The following AVEN variants were observed in gnomAD, a reference collection of about 807,000 sequenced individuals.
The protein encoded by AVEN is cell death regulator Aven.
In AVEN, 41 loss-of-function variants were observed where a neutral mutation model predicts 38.1. That is an observed-to-expected ratio of 1.08 (90% confidence interval 0.84 to 1.40). The LOEUF (loss-of-function observed/expected upper bound fraction) is 1.40, where lower values mean the gene tolerates loss of function less well. Among genes scored for constraint, AVEN ranks in the 40% most tolerant of loss-of-function variants. The probability of loss-of-function intolerance (pLI) is 0.00; values close to 1 mark genes in which losing one functional copy is unlikely to be tolerated. For synonymous variants in AVEN, 206 were observed against 171.8 expected, an observed-to-expected ratio of 1.20 and a Z score of -1.56; for missense variants, 605 against 438.8, an observed-to-expected ratio of 1.38 and a Z score of -3.38.
intron 2 of AVEN, among the ~76,000 whole-genome samples, chr15:33,961,579 C>A (rs958523309): frequency 3.3e-5 from 5 of 151,850 alleles, no homozygotes; most frequent in South Asian, 2.1e-4. Flanking sequence ...TTTGGGAGGC[C>A]AAGGTGGGCG....
chr15:33,992,038 C>A (rs1896745134), intron 2 of AVEN: 1 of 152,238 alleles, frequency 6.6e-6, no homozygotes, highest in Non-Finnish European at 1.5e-5. Context: ...CAAAATGGCG[C>A]TGGAGACTAG....
At chr15:33,897,643 T>A (rs1892293028) in intron 2 of AVEN, among the ~76,000 whole-genome samples, 1 of 150,710 alleles carries the variant, frequency 6.6e-6, no homozygotes, top group South Asian at 2.1e-4. Flanking sequence ...TTTGGGAGGC[T>A]GAGGCAGGAG....
intron 2 of AVEN, among the ~76,000 whole-genome samples, chr15:33,924,830 A>C (rs561844299): frequency 6.6e-6 from 1 of 152,232 alleles, no homozygotes; most frequent in Admixed American, 6.5e-5. Context: ...TTGAAGAAAG[A>C]CATAGGTAAT....
At chr15:33,863,141 A>G (rs1889079168), downstream of AVEN, among the ~76,000 whole-genome samples, 1 of 151,988 alleles carries the variant, frequency 6.6e-6, no homozygotes, top group Non-Finnish European at 1.5e-5. Flanking sequence ...TCCTATCTCT[A>G]TCCCCTCTAG....
intron 2 of AVEN, among the ~76,000 whole-genome samples, chr15:33,980,724 A>AACC (rs1214798838): frequency 1.3e-5 from 2 of 152,192 alleles, no homozygotes; most frequent in African/African-American, 4.8e-5. Context: ...GTACACGGAG[A>AACC]ACCCCAAATT....
intron 2 of AVEN, among the ~76,000 whole-genome samples, chr15:33,915,047 T>C (rs1044386154): frequency 1.2e-4 from 18 of 152,058 alleles, no homozygotes; most frequent in African/African-American, 4.1e-4. Flanking sequence ...GGGGAACATG[T>C]CACAAATATA....
At chr15:34,025,806 G>A (rs1176837349) in intron 1 of AVEN, among the ~76,000 whole-genome samples, 1 of 150,466 alleles carries the variant, frequency 6.6e-6, no homozygotes, top group Non-Finnish European at 1.5e-5. Context: ...AGCGGAGGAA[G>A]GAGAAAAAGA....
intron 2 of AVEN, among the ~76,000 whole-genome samples, chr15:33,917,518 C>T (rs1406667291): frequency 1.6e-5 from 2 of 127,824 alleles, no homozygotes; most frequent in African/African-American, 7.1e-5. Flanking sequence ...AATTCACACA[C>T]ATACGTGTAT....
intron 2 of AVEN, among the ~76,000 whole-genome samples, chr15:33,945,740 C>G (rs950001083): frequency 2.0e-5 from 3 of 152,076 alleles, no homozygotes; most frequent in African/African-American, 7.2e-5. Context: ...TGCACACCAC[C>G]ACGCCTGGCT....
At chr15:33,945,773 G>T (rs565877599) in intron 2 of AVEN, among the ~76,000 whole-genome samples, 1 of 152,126 alleles carries the variant, frequency 6.6e-6, no homozygotes, top group Non-Finnish European at 1.5e-5. Context: ...TTTTCGTAGA[G>T]ACGGGGTTTC....
At chr15:34,036,345 G>GT (rs147715948) in intron 1 of AVEN, among the ~76,000 whole-genome samples, 22,497 of 152,090 alleles carry the variant, frequency 0.15, 2,061 homozygotes, top group Middle Eastern at 0.27. Flanking sequence ...TTTGTATGCA[G>GT]TGGTCCAAAA....
intron 2 of AVEN, among the ~76,000 whole-genome samples, chr15:33,898,000 T>C (rs1278391338): frequency 6.6e-6 from 1 of 152,114 alleles, no homozygotes; most frequent in Non-Finnish European, 1.5e-5. Context: ...CCATCCTGGC[T>C]AACACGGTGA....
downstream of AVEN, among the ~76,000 whole-genome samples, chr15:33,862,448 C>T (rs1200480213): frequency 6.6e-6 from 1 of 152,108 alleles, no homozygotes; most frequent in Non-Finnish European, 1.5e-5. Context: ...CTCAAGCTAT[C>T]CACCCACCTT....
chr15:34,054,461 T>C (rs1038545905), intron 5 of AVEN, among the ~76,000 whole-genome samples: 10 of 152,226 alleles, frequency 6.6e-5, no homozygotes, highest in African/African-American at 2.4e-4. Context: ...GGATAAAAAA[T>C]GTGGTACAGA....
chr15:34,001,462 C>T (rs1056373758), intron 2 of AVEN, among the ~76,000 whole-genome samples: 1 of 152,068 alleles, frequency 6.6e-6, no homozygotes, highest in Non-Finnish European at 1.5e-5. Flanking sequence ...CAATTTTCTC[C>T]CCCTAGATCT....
chr15:33,855,129 T>A (rs2079513001), downstream of AVEN, among the ~76,000 whole-genome samples: 1 of 152,194 alleles, frequency 6.6e-6, no homozygotes, highest in Non-Finnish European at 1.5e-5. Context: ...AAGACCTTGA[T>A]TCAGTGACCC....
At chr15:33,912,689 T>C (rs1374097257) in intron 2 of AVEN, among the ~76,000 whole-genome samples, 2 of 152,172 alleles carry the variant, frequency 1.3e-5, no homozygotes, top group Non-Finnish European at 2.9e-5. Context: ...TCACTGCTAA[T>C]TGAACAAATC....
At chr15:33,928,295 C>G (rs1893707022) in intron 2 of AVEN, among the ~76,000 whole-genome samples, 1 of 152,184 alleles carries the variant, frequency 6.6e-6, no homozygotes, top group African/African-American at 2.4e-5. Flanking sequence ...CTTGAAAGCT[C>G]TGAAATCTTA....
chr15:34,038,811 G>A lies in AVEN; in HGVS notation c.236C>T (p.Pro79Leu), dbSNP rs1168829951. 1.7e-5 allele frequency: 20 copies of A among 1,192,658 alleles called. No homozygotes were observed. The South Asian group carries it at 1.7e-4, about 10-fold the overall frequency. 73.9% of individuals were successfully genotyped at this position (1,192,658 alleles called of 1,614,324 possible). The change falls in exon 1 of 6, where the codon CCG becomes CTG. Residue 79 changes from proline to leucine, a missense_variant. By Grantham distance (98) the Pro-to-Leu change is moderately conservative. Coordinates refer to ENST00000306730, the MANE Select transcript of AVEN (RefSeq NM_020371.3). ...GGAPRGSRRE[P>L]GGWGAGASAP... ...GCTGGCCCCTGCGCCCCAGCCTCCC[G>A]GCTCCCGGCGGCTGCCTCGCGGGGC...
Sources: allele counts gnomAD v4.1 joint callset (sites outside exome capture counted in the v4.1 genomes callset), GRCh38; gene constraint gnomAD v4.1.1; transcripts MANE v1.5; gene names NCBI Gene and HGNC (gene_info 2026-07-23, HGNC 2026-07-21).